Variants in TBC1D5 observed in about 807,000 individuals in gnomAD.
TBC1D5 encodes the protein TBC1 domain family member 5.
Under a neutral mutation model 100.3 loss-of-function variants are expected in TBC1D5, and 75 were observed. The observed-to-expected ratio is 0.75, with a 90% CI of 0.62 to 0.91. TBC1D5 has a LOEUF of 0.91. Among genes scored for constraint, TBC1D5 ranks in the 40% least tolerant of loss-of-function variants. The pLI, the probability that TBC1D5 is intolerant of heterozygous loss-of-function variation, is 0.00. For synonymous variants in TBC1D5, 323 were observed against 325.6 expected, an observed-to-expected ratio of 0.99 and a Z score of 0.09; for missense variants, 910 against 942.4, an observed-to-expected ratio of 0.97 and a Z score of 0.45.
intron 3 of TBC1D5, among the ~76,000 whole-genome samples, chr3:17,469,882 ACT>A (rs1197069472): frequency 2.0e-5 from 3 of 152,250 alleles, no homozygotes; most frequent in Non-Finnish European, 2.9e-5. Context: ...AGGATATATA[ACT>A]TACTGTACAG....
intron 1 of TBC1D5, among the ~76,000 whole-genome samples, chr3:17,654,011 G>A (rs889605737): frequency 9.9e-5 from 15 of 152,170 alleles, no homozygotes; most frequent in Admixed American, 5.9e-4. Context: ...TCTTTTTGGG[G>A]TGAGAGAGTA....
chr3:17,349,318 C>G (rs2090280812), intron 13 of TBC1D5, among the ~76,000 whole-genome samples: 1 of 152,118 alleles, frequency 6.6e-6, no homozygotes, highest in Admixed American at 6.5e-5. Context: ...ACTGAAGAGT[C>G]TGAATTTCTG....
At chr3:17,355,884 A>C (rs1413227134) in intron 13 of TBC1D5, among the ~76,000 whole-genome samples, 1 of 152,156 alleles carries the variant, frequency 6.6e-6, no homozygotes, top group East Asian at 1.9e-4. Flanking sequence ...TATAGCTATA[A>C]AACAGGTTTC....
At chr3:17,578,985 T>C (rs1456038952) in intron 2 of TBC1D5, among the ~76,000 whole-genome samples, 2 of 152,032 alleles carry the variant, frequency 1.3e-5, no homozygotes, top group African/African-American at 4.8e-5. Context: ...TTTCAAAGAA[T>C]CTTCAGCCAC....
intron 3 of TBC1D5, among the ~76,000 whole-genome samples, chr3:17,440,380 C>T (rs1209174489): frequency 6.6e-6 from 1 of 152,142 alleles, no homozygotes; most frequent in South Asian, 2.1e-4. Flanking sequence ...AATTCTAGCA[C>T]TTTGGGAGGC....
At chr3:17,339,106 T>C (rs755151722) in intron 13 of TBC1D5, among the ~76,000 whole-genome samples, 1 of 152,192 alleles carries the variant, frequency 6.6e-6, no homozygotes, top group Non-Finnish European at 1.5e-5. Flanking sequence ...GAAAGTGCAA[T>C]TGTGGTTGTC....
intron 3 of TBC1D5, among the ~76,000 whole-genome samples, chr3:17,453,578 A>C (rs2094979796): frequency 6.6e-6 from 1 of 152,224 alleles, no homozygotes; most frequent in East Asian, 1.9e-4. Flanking sequence ...TCCTAGACAC[A>C]TACAATCTAC....
chr3:17,700,925 T>A, intron 1 of TBC1D5, among the ~76,000 whole-genome samples: 1 of 152,094 alleles, frequency 6.6e-6, no homozygotes, highest in East Asian at 1.9e-4. Context: ...AGTGTGGTAA[T>A]CCCTCAAAGA....
chr3:17,474,007 A>C (rs1212010649), intron 3 of TBC1D5, among the ~76,000 whole-genome samples: 1 of 152,096 alleles, frequency 6.6e-6, no homozygotes, highest in Non-Finnish European at 1.5e-5. Flanking sequence ...TTTAATCCTC[A>C]CTTTTACAAT....
At chr3:17,346,664 CATT>C (rs1379071220) in intron 13 of TBC1D5, among the ~76,000 whole-genome samples, 2 of 152,116 alleles carry the variant, frequency 1.3e-5, no homozygotes, top group African/African-American at 4.8e-5. Flanking sequence ...CCCAAGAATA[CATT>C]AATATATAGC....
intron 18 of TBC1D5, among the ~76,000 whole-genome samples, chr3:17,212,426 G>A (rs1280737959): frequency 1.3e-5 from 2 of 151,974 alleles, no homozygotes; most frequent in African/African-American, 2.4e-5. Context: ...AATAATAATC[G>A]ACTGTGTTAC....
chr3:17,344,171 T>A (rs531613594), intron 13 of TBC1D5, among the ~76,000 whole-genome samples: 3 of 152,142 alleles, frequency 2.0e-5, no homozygotes, highest in Non-Finnish European at 4.4e-5. Flanking sequence ...AAAACCCGAT[T>A]GTCTCAGCCC....
intron 15 of TBC1D5, among the ~76,000 whole-genome samples, chr3:17,261,247 C>T (rs2078251101): frequency 6.6e-6 from 1 of 152,168 alleles, no homozygotes; most frequent in African/African-American, 2.4e-5. Context: ...AATACCATCT[C>T]ACACAAACAA....
At chr3:17,693,359 A>G (rs2071462678) in intron 1 of TBC1D5, among the ~76,000 whole-genome samples, 1 of 152,156 alleles carries the variant, frequency 6.6e-6, no homozygotes, top group Admixed American at 6.5e-5. Flanking sequence ...TGTACCTGGA[A>G]AAACGTAACA....
At chr3:17,473,371 T>TA (rs2095403026) in intron 3 of TBC1D5, among the ~76,000 whole-genome samples, 1 of 152,242 alleles carries the variant, frequency 6.6e-6, no homozygotes, top group African/African-American at 2.4e-5. Flanking sequence ...GTGACTTTGA[T>TA]AGGAGATTAA....
At chr3:17,544,732 T>C (rs73042855) in intron 2 of TBC1D5, among the ~76,000 whole-genome samples, 6 of 151,684 alleles carry the variant, frequency 4.0e-5, no homozygotes, top group South Asian at 2.1e-4. Context: ...ATTCCAAACA[T>C]GGTGAAATAA....
chr3:17,609,050 A>G (rs919270380), intron 2 of TBC1D5, among the ~76,000 whole-genome samples: 21 of 152,224 alleles, frequency 1.4e-4, no homozygotes, highest in Admixed American at 9.2e-4. Flanking sequence ...AATGTTTTAC[A>G]ACATGCTTTC....
At chr3:17,539,375 A>T (rs779899030) in intron 2 of TBC1D5, among the ~76,000 whole-genome samples, 1 of 152,220 alleles carries the variant, frequency 6.6e-6, no homozygotes, top group African/African-American at 2.4e-5. Context: ...CTCCAGCATC[A>T]GAGAAAAGAC....
chr3:17,165,091 A>G, intron 21 of TBC1D5, among the ~76,000 whole-genome samples: 1 of 152,156 alleles, frequency 6.6e-6, no homozygotes, highest in East Asian at 1.9e-4. Flanking sequence ...TGGATACTGC[A>G]CGTGATGAGG....
Sources: allele counts gnomAD v4.1 joint callset (sites outside exome capture counted in the v4.1 genomes callset), GRCh38; gene constraint gnomAD v4.1.1; transcripts MANE v1.5; gene names NCBI Gene and HGNC (gene_info 2026-07-23, HGNC 2026-07-21).